Variants in FBN3 observed in about 807,000 individuals in gnomAD.
FBN3 encodes the protein fibrillin-3.
Under a neutral mutation model 330.1 loss-of-function variants are expected in FBN3, and 234 were observed. The ratio of observed to expected loss-of-function variants is 0.71; its 90% CI spans 0.64 to 0.79. The LOEUF (loss-of-function observed/expected upper bound fraction) is 0.79. FBN3 is among the 30% of genes least tolerant of loss of function. The pLI, the probability that FBN3 is intolerant of heterozygous loss-of-function variation, is 0.00. For synonymous variants in FBN3, 1,458 were observed against 1,517.3 expected (o/e 0.96, Z 0.91); for missense variants, 3,606 against 3,886.9 (o/e 0.93, Z 1.92).
intron 41 of FBN3, among the ~76,000 whole-genome samples, chr19:8,097,923 T>C (rs1425423792): frequency 3.9e-5 from 6 of 152,154 alleles, no homozygotes; most frequent in Non-Finnish European, 8.8e-5. Flanking sequence ...AAAGGAAATG[T>C]CCAGAAGTAG....
rs140196076 is a variant in FBN3, at chr19:8,117,197, C to T, written c.3558G>A (p.Ser1186=). 79 of 1,614,090 alleles carry T rather than the reference C, an allele frequency of 4.9e-5. 1 individual carries two copies. The highest frequency in any genetic ancestry group is 4.4e-4 in the South Asian group (40 of 91,076). Residue 1186 remains serine, a synonymous_variant, in exon 28 of 64, where the codon TCG becomes TCA. Coordinates refer to ENST00000600128, the MANE Select transcript of FBN3 (RefSeq NM_032447.5). ...CACATGCCCTTCCGTCGGGCATCAG[C>T]GAGTAGCCCTGCCCACAGCTGCACC... ...SYRCSCGQGY[S]LMPDGRACAD...
chr19:8,147,218 C>T (rs1330405495), intron 2 of FBN3, 32 bp from the exon 3 acceptor site: 2 of 1,558,252 alleles, frequency 1.3e-6, no homozygotes, highest in Admixed American at 1.9e-5. Context: ...TCTGGTGAGC[C>T]CCTGCCCGTG....
At position 8,109,712 on chromosome 19, in the gene FBN3, C is replaced by A. The variant is rs376575940; in HGVS notation, c.4375G>T (p.Val1459Leu). The change falls in exon 35 of 64, where the codon GTG becomes TTG. Residue 1459 changes from valine to leucine, a missense_variant. Coordinates refer to ENST00000600128, the MANE Select transcript of FBN3 (RefSeq NM_032447.5). The surrounding 1 kb of genome is among the most constrained non-coding windows in gnomAD (Gnocchi z 5.2). Reference protein sequence around the residue: ...CADPVNCINGVCINTPGSYLC... With the variant: ...CADPVNCINGLCINTPGSYLC... Reference sequence around the variant, plus strand: ...TAGCTGCCGGGGGTGTTAATGCACACGCCGTTGATGCAGTTTACTGGGTCT... The same window carrying A: ...TAGCTGCCGGGGGTGTTAATGCACAAGCCGTTGATGCAGTTTACTGGGTCT... 21 of 1,546,722 alleles carry A rather than the reference C, an allele frequency of 1.4e-5. No homozygotes were observed. The East Asian group carries it at 4.3e-4, about 32-fold the overall frequency.
chr19:8,137,867 A>G (rs1354046701), intron 10 of FBN3, among the ~76,000 whole-genome samples: 1 of 151,968 alleles, frequency 6.6e-6, no homozygotes, highest in East Asian at 1.9e-4. Context: ...GCCTCAAGTG[A>G]TCCTTCCACC....
chr19:8,102,187 A>C (rs1272212258), intron 40 of FBN3, among the ~76,000 whole-genome samples: 1 of 151,630 alleles, frequency 6.6e-6, no homozygotes, highest in East Asian at 1.9e-4. Flanking sequence ...TGGAACTGCG[A>C]GTCCATTAAA....
At chr19:8,141,335 C>T (rs2083408833) in intron 8 of FBN3, among the ~76,000 whole-genome samples, 1 of 148,474 alleles carries the variant, frequency 6.7e-6, no homozygotes, top group Admixed American at 6.8e-5. Context: ...CACTGCACTC[C>T]AGCCTGGGTA....
rs1470366697 is a variant in FBN3, at chr19:8,149,167, G to A, written c.-18+282C>T. The stretch of plus-strand genomic sequence containing the variant: ...AGCCCGCGGGGCGCGATCTCCACCC[G>A]GCAGGGCCCCCGGCCGCGACCACGC... On this transcript the variant is annotated intron_variant, in intron 1 of 63. Transcript: ENST00000600128. The surrounding 1 kb of genome is among the most constrained non-coding windows in gnomAD (Gnocchi z 5.5). Among the ~76,000 whole-genome samples, 2 of 151,910 alleles carry A rather than the reference G, an allele frequency of 1.3e-5. No individual in the cohort carries two copies. The highest frequency in any genetic ancestry group is 6.6e-5 in the Admixed American group (1 of 15,260).
Position 8,075,052 on chromosome 19 carries a change from C to T in FBN3, c.7702+19G>A. The T allele has an allele frequency of 6.2e-7, 1 of 1,601,032 alleles. No individual in the cohort carries two copies. Among genetic ancestry groups the T allele is most frequent in the South Asian group, 1.1e-5 (1 of 89,440 alleles). The stretch of plus-strand genomic sequence containing the variant: ...ATTCTGGTGGAGGGCCCAGCTTCTT[C>T]CCAGCCCTTTTCACTCACCCACACA... On this transcript the variant is annotated intron_variant, in intron 61 of 63. Coordinates refer to ENST00000600128, the MANE Select transcript of FBN3 (RefSeq NM_032447.5).
At chr19:8,135,816 G>A in intron 13 of FBN3, 145 bp downstream of exon 13, 2 of 807,162 alleles carry the variant, frequency 2.5e-6, no homozygotes, top group Non-Finnish European at 3.9e-6. Context: ...AAGAGTCTCA[G>A]GTGGGCTGCT....
chr19:8,131,229 A>G lies in FBN3; in HGVS notation c.2044+6T>C. The G allele has an allele frequency of 6.2e-7, 1 of 1,606,976 alleles. No individual in the cohort carries two copies. The highest frequency in any genetic ancestry group is 1.1e-5 in the South Asian group (1 of 88,914). On this transcript the variant is annotated splice_donor_region_variant and intron_variant, in intron 16 of 63. Transcript: ENST00000600128. The surrounding 1 kb of genome is among the most constrained non-coding windows in gnomAD (Gnocchi z 4.5). The stretch of plus-strand genomic sequence containing the variant: ...CTGCTGTTTGGAGGGGCTGGGCTCC[A>G]CTTACCTCGACCATCCGTGGTAATG...
At chr19:8,142,213 T>G in intron 6 of FBN3, 76 bp from the exon 7 acceptor site, 1 of 1,203,420 alleles carries the variant, frequency 8.3e-7, no homozygotes, top group Non-Finnish European at 1.2e-6. Context: ...TAACACCTTC[T>G]CAGCGGCCCC....
At chr19:8,070,879 G>A (rs1239594448) in intron 63 of FBN3, among the ~76,000 whole-genome samples, 1 of 152,100 alleles carries the variant, frequency 6.6e-6, no homozygotes, top group East Asian at 1.9e-4. Flanking sequence ...AGAATTAGCT[G>A]GGCGTGGTGG....
intron 25 of FBN3, among the ~76,000 whole-genome samples, chr19:8,119,514 TTTG>T (rs1354518454): frequency 4.6e-5 from 7 of 152,090 alleles, no homozygotes; most frequent in East Asian, 1.9e-4. Context: ...TTTCTTTCCT[TTTG>T]TTGTTGTTGT....
At position 8,138,529 on chromosome 19, in the gene FBN3, C is replaced by T. The variant is rs147585873; in HGVS notation, c.901G>A (p.Gly301Arg). The T allele has an allele frequency of 6.2e-6, 10 of 1,611,956 alleles. No individual in the cohort carries two copies. Among genetic ancestry groups the T allele is most frequent in the South Asian group, 3.3e-5 (3 of 90,966 alleles). Reference sequence around the variant, plus strand: ...GCGAGGTCTCCAGCACAGCGGCCCCCGAAAAGCACTGAGAAGCAGGCGCCG... The same window carrying T: ...GCGAGGTCTCCAGCACAGCGGCCCCTGAAAAGCACTGAGAAGCAGGCGCCG... ...RAGACFSVLF[G>R]GRCAGDLAGH... Residue 301 changes from glycine (G) to arginine (R), a missense_variant, in exon 9 of 64, where the codon GGG (glycine) becomes AGG (arginine). Gly to Arg is a moderately radical substitution (Grantham distance 125). Transcript: ENST00000600128.
At position 8,138,324 on chromosome 19, in the gene FBN3, C is replaced by G. The variant is rs1381561778; in HGVS notation, c.1019-1G>C. On this transcript the variant is annotated splice_acceptor_variant, in intron 9 of 63. Coordinates refer to ENST00000600128, the MANE Select transcript of FBN3 (RefSeq NM_032447.5). LOFTEE classifies it high-confidence loss of function. Reference sequence around the variant, plus strand: ...TGGGCGCACAGTTGCTGGAATTCATCTGCAAGGAAGCAGGGTTGAGGCCAG... The same window carrying G: ...TGGGCGCACAGTTGCTGGAATTCATGTGCAAGGAAGCAGGGTTGAGGCCAG... 6.2e-7 allele frequency: 1 copy of G among 1,613,004 alleles called. No individual in the cohort carries two copies. Among genetic ancestry groups the G allele is most frequent in the Non-Finnish European group, 8.5e-7 (1 of 1,179,698 alleles).
intron 38 of FBN3, among the ~76,000 whole-genome samples, chr19:8,105,100 A>C (rs1178391540): frequency 6.8e-6 from 1 of 146,472 alleles, no homozygotes; most frequent in African/African-American, 2.5e-5. Context: ...GACTATAGGC[A>C]TGTGTCACTA....
rs147292079 is a variant in FBN3 at position 8,124,585 on chromosome 19, T to G, written c.2732-577A>C. On this transcript the variant is annotated intron_variant, in intron 22 of 63. Transcript: ENST00000600128. ...CGGAGTCTTGCTCTGTCCCCCAGGC[T>G]GTAGTGCAGCGGCACAATCTCAGCT... 9.3e-3 allele frequency among the ~76,000 whole-genome samples: 1,386 copies of G among 148,266 alleles called. 22 individuals are homozygous for G. Among genetic ancestry groups the G allele is most frequent in the African/African-American group, 0.032 (1,263 of 39,702 alleles).
Position 8,096,038 on chromosome 19 carries a change from C to T in FBN3, c.5582G>A (p.Cys1861Tyr). The change falls in exon 45 of 64, where the codon TGC (cysteine) becomes TAC (tyrosine). Residue 1861 changes from cysteine to tyrosine, a missense_variant. Cys to Tyr is a radical substitution (Grantham distance 194, BLOSUM62 -2). Coordinates refer to ENST00000600128, the MANE Select transcript of FBN3 (RefSeq NM_032447.5). The surrounding 1 kb of genome is among the most constrained non-coding windows in gnomAD (Gnocchi z 4.6). ...GTTGTAGGAGCCAATGATGTTCTTGCAGGTCCCATTTCCACAAGGCTGCCG... is the reference window on the plus strand; with the variant it reads ...GTTGTAGGAGCCAATGATGTTCTTGTAGGTCCCATTTCCACAAGGCTGCCG... ...CDRQPCGNGT[C>Y]KNIIGSYNCL... 2.5e-6 allele frequency: 4 copies of T among 1,614,086 alleles called. No individual in the cohort carries two copies. Among genetic ancestry groups the T allele is most frequent in the Non-Finnish European group, 3.4e-6 (4 of 1,179,964 alleles).
chr19:8,087,899 T>C lies in FBN3; in HGVS notation c.6545A>G (p.His2182Arg). 1 of 1,614,166 alleles carries C rather than the reference T, an allele frequency of 6.2e-7. No individual in the cohort carries two copies. The highest frequency in any genetic ancestry group is 8.5e-7 in the Non-Finnish European group (1 of 1,180,028). The change falls in exon 53 of 64, where the codon CAC becomes CGC. Residue 2182 changes from histidine (H) to arginine (R), a missense_variant. Transcript: ENST00000600128. ...GCACAGGTAGGAGCCCTCGGTATTG[T>C]GGCAGCGGAAGGCACAGAGCAGCGG... ...LNPLLCAFRC[H>R]NTEGSYLCTC...
Sources: gnomAD v4.1 joint callset for allele counts (sites outside exome capture counted in the v4.1 genomes callset) on GRCh38, gnomAD v4.1.1 for gene constraint, Gnocchi (gnomAD v3.1) non-coding constraint, MANE v1.5 for transcripts, NCBI Gene and HGNC (gene_info 2026-07-23, HGNC 2026-07-21) for gene names.